ANKRD44: variants seen among roughly 807,000 people sequenced by gnomAD.
ANKRD44 encodes the protein serine/threonine-protein phosphatase 6 regulatory ankyrin repeat subunit B.
Under a neutral mutation model 116.0 loss-of-function variants are expected in ANKRD44, and 35 were observed. The observed-to-expected ratio is 0.30, with a 90% CI of 0.23 to 0.40. The LOEUF (loss-of-function observed/expected upper bound fraction) is 0.40, where lower values mean the gene tolerates loss of function less well. Among genes scored for constraint, ANKRD44 ranks in the 10% least tolerant of loss-of-function variants. ANKRD44 has a pLI of 1.00. For missense variants in ANKRD44, 1,014 were observed against 1,242.6 expected (o/e 0.82, Z 2.77); for synonymous variants, 435 against 461.8 (o/e 0.94, Z 0.74).
At chr2:197,205,491 A>C (rs1327984215) in intron 1 of ANKRD44, among the ~76,000 whole-genome samples, 1 of 152,180 alleles carries the variant, frequency 6.6e-6, no homozygotes. Flanking sequence ...CTGAGAAAGA[A>C]ACTGGGGCTT....
At chr2:197,251,608 C>A (rs2082318726) in intron 1 of ANKRD44, among the ~76,000 whole-genome samples, 1 of 152,146 alleles carries the variant, frequency 6.6e-6, no homozygotes, top group South Asian at 2.1e-4. Flanking sequence ...GAGTGTTTTT[C>A]TATAGGCATG....
intron 21 of ANKRD44, 82 bp from the exon 22 acceptor site, chr2:197,001,922 G>A: frequency 9.8e-7 from 1 of 1,020,678 alleles, no homozygotes; most frequent in South Asian, 1.4e-5. Context: ...TAAGTATTGA[G>A]TTTTTGGTTT....
intron 16 of ANKRD44, among the ~76,000 whole-genome samples, chr2:197,050,288 C>T (rs1026913755): frequency 2.6e-5 from 4 of 152,166 alleles, no homozygotes; most frequent in Non-Finnish European, 5.9e-5. Flanking sequence ...TCCCACCAGG[C>T]CCCACCTCCA....
At chr2:197,026,955 T>A (rs547609304) in intron 16 of ANKRD44, among the ~76,000 whole-genome samples, 1 of 152,032 alleles carries the variant, frequency 6.6e-6, no homozygotes, top group South Asian at 2.1e-4. Context: ...AACGGAAACA[T>A]GAAGGTACCA....
intron 1 of ANKRD44, among the ~76,000 whole-genome samples, chr2:197,309,632 G>A (rs955195320): frequency 1.3e-5 from 2 of 152,122 alleles, no homozygotes; most frequent in East Asian, 1.9e-4. Context: ...TGCCTACCAG[G>A]ACCCCAAAAC....
At position 197,001,903 on chromosome 2, in the gene ANKRD44, C is replaced by T. The variant is rs182065872; in HGVS notation, c.2348-63G>A. On this transcript the variant is annotated intron_variant, in intron 21 of 27. Coordinates refer to ENST00000282272, the MANE Select transcript of ANKRD44 (RefSeq NM_001195144.2). ...AAGAAATTTTGTTCAACCCAATCTG[C>T]TTTTTCATTAAGTATTGAGTTTTTG... 811 of 1,242,080 alleles carry T rather than the reference C, an allele frequency of 6.5e-4. 5 individuals are homozygous for T. In the African/African-American group the frequency reaches 0.011, roughly 16 times the overall value. 76.9% of individuals were successfully genotyped at this position (1,242,080 alleles called of 1,614,324 possible).
Position 196,988,491 on chromosome 2 carries a change from C to T in ANKRD44, c.*1100G>A, listed in dbSNP as rs930977183. 213 of 985,080 alleles carry T rather than the reference C, an allele frequency of 2.2e-4. No homozygotes were observed. The highest frequency in any genetic ancestry group is 6.3e-5 in the Non-Finnish European group (52 of 829,810). 61.0% of individuals were successfully genotyped at this position (985,080 alleles called of 1,614,324 possible). A position where few individuals can be genotyped will look rare whatever the true frequency, so the allele number is the denominator to read the frequency against. Reference sequence around the variant, plus strand: ...TGAAATCAATACCAGTTCAATAAATCCTTTGAACAAGTTCTCATTTGTGAA... The same window carrying T: ...TGAAATCAATACCAGTTCAATAAATTCTTTGAACAAGTTCTCATTTGTGAA... On this transcript the variant is annotated 3_prime_UTR_variant, in exon 28 of 28. Transcript: ENST00000282272.
At chr2:197,215,771 C>T (rs2081428990) in intron 1 of ANKRD44, among the ~76,000 whole-genome samples, 1 of 152,170 alleles carries the variant, frequency 6.6e-6, no homozygotes, top group African/African-American at 2.4e-5. Flanking sequence ...GGCACAGGGT[C>T]ATGTAGGTTT....
At chr2:197,065,922 C>T (rs933666321) in intron 16 of ANKRD44, among the ~76,000 whole-genome samples, 1 of 152,172 alleles carries the variant, frequency 6.6e-6, no homozygotes, top group African/African-American at 2.4e-5. Flanking sequence ...AGAAGGAATC[C>T]TCCCTAACTC....
chr2:197,133,300 G>C (rs1055922730), intron 4 of ANKRD44, among the ~76,000 whole-genome samples: 10 of 152,104 alleles, frequency 6.6e-5, no homozygotes, highest in Non-Finnish European at 1.3e-4. Flanking sequence ...GTTTGTCCTT[G>C]ATCTCCCCCA....
downstream of ANKRD44, among the ~76,000 whole-genome samples, chr2:196,985,637 T>C (rs2075831578): frequency 6.6e-6 from 1 of 152,182 alleles, no homozygotes; most frequent in Non-Finnish European, 1.5e-5. Context: ...GTTGTATAAC[T>C]TCTCTAGGAT....
intron 2 of ANKRD44, among the ~76,000 whole-genome samples, chr2:197,164,100 T>G (rs1176170887): frequency 6.6e-6 from 1 of 152,148 alleles, no homozygotes; most frequent in Non-Finnish European, 1.5e-5. Flanking sequence ...GGCTGCGGTG[T>G]GCTGCAGGCC....
chr2:197,189,513 C>T (rs980887002), intron 1 of ANKRD44, among the ~76,000 whole-genome samples: 4 of 152,214 alleles, frequency 2.6e-5, no homozygotes, highest in Admixed American at 6.5e-5. Flanking sequence ...ACATCTGCCC[C>T]GTGGCAAGGA....
At chr2:197,247,906 A>G (rs571882808) in intron 1 of ANKRD44, among the ~76,000 whole-genome samples, 1 of 152,254 alleles carries the variant, frequency 6.6e-6, no homozygotes, top group East Asian at 1.9e-4. Context: ...GAAGCGGGAA[A>G]TGGCTGGGGA....
At position 196,988,800 on chromosome 2, in the gene ANKRD44, C is replaced by T; in HGVS notation, c.*791G>A. On this transcript the variant is annotated 3_prime_UTR_variant, in exon 28 of 28. Coordinates refer to ENST00000282272, the MANE Select transcript of ANKRD44 (RefSeq NM_001195144.2). ...TGGTGATTTTTATTTCTCCTTTTGG[C>T]ACATGTGCCCACACACTGCCATCAT... 1.0e-6 allele frequency: 1 copy of T among 985,396 alleles called. No homozygotes were observed. Among genetic ancestry groups the T allele is most frequent in the Non-Finnish European group, 1.2e-6 (1 of 829,934 alleles). 61.0% of individuals were successfully genotyped at this position (985,396 alleles called of 1,614,324 possible). A position where few individuals can be genotyped will look rare whatever the true frequency, so the allele number is the denominator to read the frequency against.
intron 1 of ANKRD44, among the ~76,000 whole-genome samples, chr2:197,242,987 G>A (rs1254999741): frequency 6.6e-6 from 1 of 152,214 alleles, no homozygotes; most frequent in Non-Finnish European, 1.5e-5. Flanking sequence ...TCTGTGACTA[G>A]CAACTTAATC....
chr2:197,044,660 A>G (rs2076970019), intron 16 of ANKRD44, among the ~76,000 whole-genome samples: 1 of 152,156 alleles, frequency 6.6e-6, no homozygotes, highest in African/African-American at 2.4e-5. Flanking sequence ...CACCCAGACT[A>G]TGATGGTCAG....
chr2:196,975,627 A>T lies in ANKRD44; in HGVS notation c.2369-8181T>A, dbSNP rs180914562. On this transcript the variant is annotated intron_variant, in intron 21 of 21. Coordinates refer to the ANKRD44 transcript ENST00000424317. ...GGTGTCACACTGTTTTTTTTTTTTA[A>T]AAAAAATACAAAAATTAGCCAGGTG... Among the ~76,000 whole-genome samples the T allele has an allele frequency of 3.6e-3, 529 of 145,398 alleles. 4 individuals are homozygous for T. Among genetic ancestry groups the T allele is most frequent in the African/African-American group, 9.7e-3 (381 of 39,338 alleles).
At chr2:197,112,205 AAGT>A (rs2078597115) in intron 8 of ANKRD44, among the ~76,000 whole-genome samples, 4 of 152,228 alleles carry the variant, frequency 2.6e-5, no homozygotes, top group Non-Finnish European at 5.9e-5. Context: ...TTATTTTTAT[AAGT>A]CTCAGAGGAA....
Sources: allele counts gnomAD v4.1 joint callset (sites outside exome capture counted in the v4.1 genomes callset), GRCh38; gene constraint gnomAD v4.1.1; transcripts MANE v1.5; gene names NCBI Gene and HGNC (gene_info 2026-07-23, HGNC 2026-07-21).